The following GALNT2 variants were observed in gnomAD, a reference collection of about 807,000 sequenced individuals.
GALNT2 encodes the protein UDP-GalNAc:polypeptide N-acetylgalactosaminyltransferase 2.
A neutral mutation model predicts 81.4 loss-of-function variants in GALNT2; 31 were observed. The observed-to-expected ratio is 0.38, with a 90% CI of 0.29 to 0.51. GALNT2 has a LOEUF of 0.51. Among genes scored for constraint, GALNT2 ranks in the 20% least tolerant of loss-of-function variants. GALNT2 has a pLI of 0.87. For synonymous variants in GALNT2, 303 were observed against 287.4 expected, an observed-to-expected ratio of 1.05 and a Z score of -0.55; for missense variants, 629 against 765.7, an observed-to-expected ratio of 0.82 and a Z score of 2.11.
chr1:230,195,911 C>T (rs1663680295), intron 2 of GALNT2, among the ~76,000 whole-genome samples: 2 of 152,106 alleles, frequency 1.3e-5, no homozygotes, highest in East Asian at 3.9e-4. Context: ...GGACAATCCT[C>T]AGATAGGGGC....
chr1:230,111,376 G>A (rs12724775), intron 1 of GALNT2, among the ~76,000 whole-genome samples: 42,915 of 152,196 alleles, frequency 0.28, 6,084 homozygotes, highest in African/African-American at 0.33. Context: ...TGGAACATAT[G>A]CAGTACAACA....
chr1:230,178,747 T>C (rs1192335715), intron 2 of GALNT2, among the ~76,000 whole-genome samples: 1 of 151,806 alleles, frequency 6.6e-6, no homozygotes, highest in Non-Finnish European at 1.5e-5. Flanking sequence ...TTTGTTACAA[T>C]CCATGAACCT....
intron 14 of GALNT2, among the ~76,000 whole-genome samples, chr1:230,266,966 T>G (rs113524279): frequency 1.2e-3 from 182 of 150,700 alleles, no homozygotes; most frequent in African/African-American, 4.3e-3. Context: ...ATGAGTGTGC[T>G]TCCAGTGCCT....
chr1:230,238,207 G>A (rs907143928), intron 6 of GALNT2, among the ~76,000 whole-genome samples: 1 of 152,160 alleles, frequency 6.6e-6, no homozygotes, highest in Admixed American at 6.5e-5. Context: ...CACACAAAGT[G>A]CTTGTAGTGA....
At chr1:230,191,608 C>T (rs564778418) in intron 2 of GALNT2, among the ~76,000 whole-genome samples, 38 of 152,314 alleles carry the variant, frequency 2.5e-4, no homozygotes, top group African/African-American at 8.9e-4. Flanking sequence ...AAGTCCTGGG[C>T]TTAAGCAGTC....
In GALNT2 at chr1:230,067,250, C is replaced by A; in HGVS notation, c.-31C>A. 7.9e-7 allele frequency: 1 copy of A among 1,261,170 alleles called. No homozygotes were observed. Among genetic ancestry groups the A allele is most frequent in the Non-Finnish European group, 1.0e-6 (1 of 995,218 alleles). The allele number at this position is 1,261,170 out of a possible 1,614,324, so 78.1% of individuals were successfully genotyped here. ...CGGCCCAGGCAGCACTCGCGAGCAG[C>A]GGCGGCCCCGCCGGCGGCCGAGTTG... On this transcript the variant is annotated 5_prime_UTR_variant, in exon 1 of 16. Transcript: ENST00000366672.
intron 1 of GALNT2, among the ~76,000 whole-genome samples, chr1:230,153,604 G>C (rs1662156522): frequency 6.6e-6 from 1 of 152,234 alleles, no homozygotes; most frequent in Non-Finnish European, 1.5e-5. Context: ...ACGCCTTCCA[G>C]ATTCACCAAT....
Position 230,100,948 on chromosome 1 carries a change from T to A in GALNT2, c.126+33542T>A, listed in dbSNP as rs572525404. 3.3e-5 allele frequency among the ~76,000 whole-genome samples: 5 copies of A among 152,328 alleles called. No individual in the cohort carries two copies. In the East Asian group the frequency reaches 7.7e-4, roughly 24 times the overall value. Reference sequence around the variant, plus strand: ...ATATATCACAGTGGTCCCGTAAGATTATAATCTTGTATTTTTACTGTATCT... The same window carrying A: ...ATATATCACAGTGGTCCCGTAAGATAATAATCTTGTATTTTTACTGTATCT... On this transcript the variant is annotated intron_variant, in intron 1 of 15. Coordinates refer to ENST00000366672, the MANE Select transcript of GALNT2 (RefSeq NM_004481.5).
At position 230,243,851 on chromosome 1, in the gene GALNT2, T is replaced by C. The variant is rs1016650477; in HGVS notation, c.729+424T>C. Among the ~76,000 whole-genome samples the C allele has an allele frequency of 6.6e-6, 1 of 152,088 alleles. No individual in the cohort carries two copies. The highest frequency in any genetic ancestry group is 6.5e-5 in the Admixed American group (1 of 15,274). On this transcript the variant is annotated intron_variant, in intron 7 of 15. Coordinates refer to ENST00000366672, the MANE Select transcript of GALNT2 (RefSeq NM_004481.5). The surrounding 1 kb of genome is among the most constrained non-coding windows in gnomAD (Gnocchi z 4.2). ...TGGGGAAGCTGTCCCTGGGGCCACC[T>C]CTCTGCTCTTAGTGAGTAGGGCAGG...
At chr1:230,207,107 G>C (rs892443305) in intron 3 of GALNT2, among the ~76,000 whole-genome samples, 5 of 151,894 alleles carry the variant, frequency 3.3e-5, no homozygotes, top group African/African-American at 1.2e-4. Flanking sequence ...TTGTTATTCA[G>C]ACACCTCCGG....
At chr1:230,245,325 G>A (rs534523174) in intron 7 of GALNT2, among the ~76,000 whole-genome samples, 53 of 152,082 alleles carry the variant, frequency 3.5e-4, no homozygotes, top group Non-Finnish European at 6.0e-4. Context: ...TTAGCTGGGC[G>A]TGGTGGTGCA....
At chr1:230,121,625 A>G (rs967649542) in intron 1 of GALNT2, among the ~76,000 whole-genome samples, 21 of 152,206 alleles carry the variant, frequency 1.4e-4, no homozygotes, top group African/African-American at 5.1e-4. Flanking sequence ...GCCGAGGAGA[A>G]CATCAGTGTC....
At chr1:230,177,954 C>T (rs190874893) in intron 1 of GALNT2, among the ~76,000 whole-genome samples, 2 of 152,314 alleles carry the variant, frequency 1.3e-5, no homozygotes, top group Non-Finnish European at 2.9e-5. Context: ...GTATTTCCTT[C>T]CCACAGATAA....
At chr1:230,209,685 A>G (rs1664173929) in intron 3 of GALNT2, among the ~76,000 whole-genome samples, 1 of 152,206 alleles carries the variant, frequency 6.6e-6, no homozygotes, top group Non-Finnish European at 1.5e-5. Context: ...CTACAAGAAA[A>G]TACAAAAATT....
chr1:230,088,878 C>A (rs1410400645), intron 1 of GALNT2, among the ~76,000 whole-genome samples: 1 of 152,066 alleles, frequency 6.6e-6, no homozygotes, highest in Non-Finnish European at 1.5e-5. Context: ...AAATGGAAAC[C>A]CTATGCCCAT....
chr1:230,109,902 C>T (rs1473914474), intron 1 of GALNT2, among the ~76,000 whole-genome samples: 1 of 152,126 alleles, frequency 6.6e-6, no homozygotes, highest in African/African-American at 2.4e-5. Flanking sequence ...GACAAACAAG[C>T]TCATTTTATG....
intron 1 of GALNT2, among the ~76,000 whole-genome samples, chr1:230,079,877 G>T (rs1388106387): frequency 6.6e-6 from 1 of 152,192 alleles, no homozygotes; most frequent in Non-Finnish European, 1.5e-5. Flanking sequence ...CTGAGGCTCA[G>T]CCTCCATCTG....
chr1:230,130,741 C>T (rs961801236), intron 1 of GALNT2, among the ~76,000 whole-genome samples: 2 of 152,198 alleles, frequency 1.3e-5, no homozygotes, highest in Admixed American at 6.5e-5. Flanking sequence ...TTGGAAGTCT[C>T]GGCGACAGCT....
chr1:230,127,762 C>G (rs781260305), intron 1 of GALNT2, among the ~76,000 whole-genome samples: 1 of 151,988 alleles, frequency 6.6e-6, no homozygotes, highest in Admixed American at 6.5e-5. Flanking sequence ...GATACGCTCC[C>G]GTGCTCAGTT....
Sources: allele counts gnomAD v4.1 joint callset (sites outside exome capture counted in the v4.1 genomes callset), GRCh38; gene constraint gnomAD v4.1.1; non-coding constraint Gnocchi (gnomAD v3.1); transcripts MANE v1.5; gene names NCBI Gene and HGNC (gene_info 2026-07-23, HGNC 2026-07-21).